The following EYA3 variants were observed in gnomAD, a reference collection of about 807,000 sequenced individuals.
The protein encoded by EYA3 is protein phosphatase EYA3.
Under a neutral mutation model 80.0 loss-of-function variants are expected in EYA3, and 39 were observed. That is an observed-to-expected ratio of 0.49 (90% CI 0.38 to 0.64). The LOEUF is 0.64. Ranked by LOEUF, EYA3 falls within the 30% of genes least tolerant of loss-of-function variation. The probability of loss-of-function intolerance (pLI) is 0.00; values close to 1 mark genes in which losing one functional copy is unlikely to be tolerated. For synonymous variants in EYA3, 206 were observed against 232.8 expected (o/e 0.88, Z 1.05); for missense variants, 523 against 676.1 (o/e 0.77, Z 2.51).
intron 1 of EYA3, among the ~76,000 whole-genome samples, chr1:28,060,804 A>G (rs1165647924): frequency 6.6e-6 from 1 of 152,164 alleles, no homozygotes; most frequent in East Asian, 1.9e-4. Flanking sequence ...TCACAAGGTC[A>G]GGAGATCAAG....
At chr1:27,996,661 T>C (rs1036111479) in intron 13 of EYA3, among the ~76,000 whole-genome samples, 2 of 152,240 alleles carry the variant, frequency 1.3e-5, no homozygotes, top group Non-Finnish European at 2.9e-5. Context: ...ACACTGAATT[T>C]TGGGGTAGTT....
At chr1:28,029,587 A>C (rs1380450534) in intron 6 of EYA3, among the ~76,000 whole-genome samples, 1 of 150,960 alleles carries the variant, frequency 6.6e-6, no homozygotes, top group African/African-American at 2.5e-5. Context: ...TTTTAAAAAG[A>C]AAATCCTTTT....
chr1:28,051,730 A>C (rs997696478), intron 2 of EYA3, among the ~76,000 whole-genome samples: 3 of 152,152 alleles, frequency 2.0e-5, no homozygotes, highest in African/African-American at 7.2e-5. Context: ...AACCTAACAG[A>C]AGAAGAAGTA....
intron 1 of EYA3, among the ~76,000 whole-genome samples, chr1:28,073,616 A>G (rs986549306): frequency 2.0e-5 from 3 of 151,884 alleles, no homozygotes; most frequent in African/African-American, 7.3e-5. Flanking sequence ...TTGTATTTTT[A>G]GTAGAAATGG....
At chr1:27,984,635 G>A (rs1334296655) in intron 16 of EYA3, among the ~76,000 whole-genome samples, 3 of 152,156 alleles carry the variant, frequency 2.0e-5, no homozygotes, top group South Asian at 2.1e-4. Context: ...TGAGGACAGA[G>A]GACTTTTGTC....
rs528098698 is a variant in EYA3 at position 28,051,772 on chromosome 1, T to C, written c.34-3346A>G. ...ACGTTAAAAGAAATTTAAGAAGAGC[T>C]AAATAAATGCAAAGACACCCCATAT... On this transcript the variant is annotated intron_variant, in intron 2 of 17. Transcript: ENST00000373871. 3.3e-5 allele frequency among the ~76,000 whole-genome samples: 5 copies of C among 152,144 alleles called. No homozygotes were observed. The East Asian group carries it at 9.7e-4, about 29-fold the overall frequency.
At chr1:28,051,526 A>G (rs1193995959) in intron 2 of EYA3, among the ~76,000 whole-genome samples, 1 of 151,992 alleles carries the variant, frequency 6.6e-6, no homozygotes, top group Non-Finnish European at 1.5e-5. Flanking sequence ...CATCTCTACT[A>G]AAATACAAAA....
intron 5 of EYA3, among the ~76,000 whole-genome samples, chr1:28,038,292 G>A (rs754372518): frequency 6.6e-6 from 1 of 151,978 alleles, no homozygotes; most frequent in Non-Finnish European, 1.5e-5. Context: ...ACAAAAATTA[G>A]CTGGGCGTGG....
rs532649736 is a variant in EYA3 at position 28,077,001 on chromosome 1, A to G, written c.-69+11523T>C. Reference sequence around the variant, plus strand: ...GGTGATCCACCCGCCTCAGCCTCCCAAAGTGCTGGGATTACAGGTGCAAGC... The same window carrying G: ...GGTGATCCACCCGCCTCAGCCTCCCGAAGTGCTGGGATTACAGGTGCAAGC... On this transcript the variant is annotated intron_variant, in intron 1 of 17. Transcript: ENST00000373871. 1.1e-4 allele frequency among the ~76,000 whole-genome samples: 16 copies of G among 151,508 alleles called. 1 individual carries two copies. The South Asian group carries it at 3.3e-3, about 32-fold the overall frequency.
At chr1:27,996,402 C>T (rs1181051726) in intron 13 of EYA3, among the ~76,000 whole-genome samples, 1 of 152,124 alleles carries the variant, frequency 6.6e-6, no homozygotes, top group East Asian at 1.9e-4. Context: ...GTTAGCCACA[C>T]GTATAAGAGG....
At chr1:28,034,266 A>G (rs999277337) in intron 6 of EYA3, among the ~76,000 whole-genome samples, 15 of 152,174 alleles carry the variant, frequency 9.9e-5, no homozygotes, top group African/African-American at 2.7e-4. Flanking sequence ...GGCTAATAAT[A>G]ATAATTCAAA....
intron 7 of EYA3, among the ~76,000 whole-genome samples, chr1:28,019,360 C>T (rs1245986866): frequency 1.3e-5 from 2 of 152,160 alleles, no homozygotes; most frequent in Admixed American, 1.3e-4. Context: ...AACCAATATT[C>T]ACCTTCTTTC....
At chr1:28,058,746 A>T (rs1483132396) in intron 1 of EYA3, among the ~76,000 whole-genome samples, 3 of 152,220 alleles carry the variant, frequency 2.0e-5, no homozygotes, top group Non-Finnish European at 2.9e-5. Context: ...TGTACTGCCC[A>T]ATTATTTAAG....
chr1:27,974,982 C>T (rs1280713177), intron 17 of EYA3, among the ~76,000 whole-genome samples: 1 of 151,918 alleles, frequency 6.6e-6, no homozygotes, highest in Non-Finnish European at 1.5e-5. Context: ...ATAAAATGGC[C>T]CAGGTGAAAA....
intron 1 of EYA3, among the ~76,000 whole-genome samples, chr1:28,082,840 A>G (rs1436827783): frequency 1.3e-5 from 2 of 152,230 alleles, no homozygotes; most frequent in East Asian, 3.8e-4. Flanking sequence ...CAAAGTAATT[A>G]ACTTCCATAA....
intron 1 of EYA3, among the ~76,000 whole-genome samples, chr1:28,071,949 T>A (rs1336453960): frequency 6.6e-6 from 1 of 152,182 alleles, no homozygotes; most frequent in East Asian, 1.9e-4. Context: ...CATTTCTTGA[T>A]AAAGACTCTT....
At chr1:28,070,618 G>GA (rs145158680) in intron 1 of EYA3, among the ~76,000 whole-genome samples, 20 of 150,238 alleles carry the variant, frequency 1.3e-4, no homozygotes, top group African/African-American at 3.7e-4. Context: ...ACATACAGCT[G>GA]AAAAAAAAAT....
Position 28,027,853 on chromosome 1 carries a change from A to G in EYA3, c.435T>C (p.Leu145=), listed in dbSNP as rs747970265. The change falls in exon 7 of 18, where the codon CTT becomes CTC. Residue 145 remains leucine (L), a synonymous_variant. Coordinates refer to ENST00000373871, the MANE Select transcript of EYA3 (RefSeq NM_001990.4). ...QTPSPSQHSV[L]TCTTGLTTSQ... The stretch of plus-strand genomic sequence containing the variant: ...TTGTGGTTAACCCTGTAGTGCAGGT[A>G]AGAACACTGTGTTGACTTGGAGATG... 6.2e-7 allele frequency: 1 copy of G among 1,614,200 alleles called. No individual in the cohort carries two copies. The highest frequency in any genetic ancestry group is 8.5e-7 in the Non-Finnish European group (1 of 1,180,024).
chr1:28,033,579 T>TC (rs1249571371), intron 6 of EYA3, among the ~76,000 whole-genome samples: 6 of 151,672 alleles, frequency 4.0e-5, no homozygotes, highest in Non-Finnish European at 5.9e-5. Flanking sequence ...AATATAAACA[T>TC]GTATCCTTCA....
Sources: allele counts gnomAD v4.1 joint callset (sites outside exome capture counted in the v4.1 genomes callset), GRCh38; gene constraint gnomAD v4.1.1; transcripts MANE v1.5; gene names NCBI Gene and HGNC (gene_info 2026-07-23, HGNC 2026-07-21).